POLQ: variants seen among roughly 807,000 people sequenced by gnomAD.
POLQ encodes epididymis secretory sperm binding protein.
A neutral mutation model predicts 259.2 loss-of-function variants in POLQ; 233 were observed. The ratio of observed to expected loss-of-function variants is 0.90; its 90% CI spans 0.81 to 1.00. The LOEUF is 1.00. POLQ is among the 50% of genes least tolerant of loss of function. The pLI is 0.00. For synonymous variants in POLQ, 1,025 were observed against 1,048.8 expected (o/e 0.98, Z 0.44); for missense variants, 2,871 against 3,051.6 (o/e 0.94, Z 1.39).
intron 25 of POLQ, 73 bp from the exon 26 acceptor site, chr3:121,449,499 G>A (rs545640714): frequency 6.0e-5 from 49 of 813,458 alleles, no homozygotes; most frequent in African/African-American, 5.4e-4. Context: ...ATTAGGATGC[G>A]AATTTCGGCA....
At chr3:121,486,391 T>C (rs1487813257) in intron 16 of POLQ, among the ~76,000 whole-genome samples, 1 of 150,870 alleles carries the variant, frequency 6.6e-6, no homozygotes, top group East Asian at 2.0e-4. Flanking sequence ...TGTACTAAAA[T>C]ACAAAATAAA....
At chr3:121,466,582 C>T (rs540487452) in intron 24 of POLQ, among the ~76,000 whole-genome samples, 4 of 151,186 alleles carry the variant, frequency 2.6e-5, no homozygotes, top group Admixed American at 6.6e-5. Context: ...CCCAGCTACT[C>T]GGGAAGCTGA....
rs374130547 is a variant in POLQ, at chr3:121,468,447, A to G, written c.6719-16T>C. The G allele has an allele frequency of 6.3e-7, 1 of 1,580,254 alleles. No homozygotes were observed. Among genetic ancestry groups the G allele is most frequent in the Non-Finnish European group, 8.7e-7 (1 of 1,155,578 alleles). ...GTTATTCGTCCTAAAATCAAGCAGA[A>G]TAAAGACATAAAATCAGGAAAAAAA... is the stretch of plus-strand genomic sequence containing the variant. On this transcript the variant is annotated splice_polypyrimidine_tract_variant and intron_variant, in intron 22 of 29. Transcript: ENST00000264233.
chr3:121,493,241 G>A lies in POLQ; in HGVS notation c.2522+237C>T, dbSNP rs572806146. On this transcript the variant is annotated intron_variant, in intron 15 of 29. Coordinates refer to ENST00000264233, the MANE Select transcript of POLQ (RefSeq NM_199420.4). ...CGCTTGAACCCAGGAGGTGGAGGTC[G>A]CAGTGAGCCGAGATCGCACCATTGC... Among the ~76,000 whole-genome samples, 51 of 151,720 alleles carry A rather than the reference G, an allele frequency of 3.4e-4. No homozygotes were observed. The South Asian group carries it at 8.5e-3, about 25-fold the overall frequency.
At chr3:121,449,670 G>A (rs1160074345) in intron 25 of POLQ, among the ~76,000 whole-genome samples, 1 of 152,118 alleles carries the variant, frequency 6.6e-6, no homozygotes, top group Non-Finnish European at 1.5e-5. Context: ...AGGTATGTGT[G>A]ATCTAAGGAA....
At chr3:121,459,440 G>A (rs2047773188) in intron 25 of POLQ, among the ~76,000 whole-genome samples, 1 of 140,106 alleles carries the variant, frequency 7.1e-6, no homozygotes, top group African/African-American at 2.7e-5. Context: ...GGAGTGCAGT[G>A]GCGCTATCTC....
At chr3:121,541,071 G>A (rs1436808630) in intron 3 of POLQ, among the ~76,000 whole-genome samples, 1 of 151,966 alleles carries the variant, frequency 6.6e-6, no homozygotes, top group Non-Finnish European at 1.5e-5. Flanking sequence ...AGTAGAGATG[G>A]GGTTTCCCCA....
At chr3:121,432,546 AAAT>A in intron 29 of POLQ, 129 bp from the exon 30 acceptor site, 1 of 753,370 alleles carries the variant, frequency 1.3e-6, no homozygotes, top group Non-Finnish European at 2.0e-6. Flanking sequence ...AAATCAGAAA[AAAT>A]AAAAAATAAA....
intron 12 of POLQ, 24 bp downstream of exon 12, chr3:121,509,537 C>T (rs754204818): frequency 1.3e-6 from 2 of 1,583,700 alleles, no homozygotes; most frequent in Non-Finnish European, 1.7e-6. Flanking sequence ...TTTTCACAAA[C>T]ATAATTGTTA....
At chr3:121,491,767 G>GACAGATT (rs2048070522) in intron 15 of POLQ, among the ~76,000 whole-genome samples, 1 of 152,056 alleles carries the variant, frequency 6.6e-6, no homozygotes, top group Non-Finnish European at 1.5e-5. Flanking sequence ...ATTCCAAGTG[G>GACAGATT]CCAGTTAAAA....
rs1382464374 is a variant in POLQ, at chr3:121,488,304, C to T, written c.4627G>A (p.Asp1543Asn). The T allele has an allele frequency of 1.1e-5, 18 of 1,612,488 alleles. No homozygotes were observed. Among genetic ancestry groups the T allele is most frequent in the Non-Finnish European group, 1.5e-5 (18 of 1,179,376 alleles). Residue 1543 changes from aspartate (D) to asparagine (N), a missense_variant, in exon 16 of 30, where the codon GAT (aspartate) becomes AAT (asparagine). By Grantham distance (23) the Asp-to-Asn change is conservative (BLOSUM62 1). Around this residue, in one of 3 missense-constraint regions of POLQ, gnomAD observed 2,080 missense variants for 2,126.0 expected, o/e 0.98. Transcript: ENST00000264233. ...IKKSNVNENQDTHQQLTCSND... is the reference protein window; with the variant it reads ...IKKSNVNENQNTHQQLTCSND... The stretch of plus-strand genomic sequence containing the variant: ...GAACAAGTCAACTGCTGGTGGGTAT[C>T]TTGATTCTCATTTACATTTGATTTT...
In POLQ at chr3:121,533,125, A is replaced by G. The variant is rs2048424162; in HGVS notation, c.825T>C (p.Ala275=). The G allele has an allele frequency of 6.2e-7, 1 of 1,614,098 alleles. No homozygotes were observed. The highest frequency in any genetic ancestry group is 2.2e-5 in the East Asian group (1 of 44,884). Residue 275 remains alanine, a synonymous_variant, in exon 6 of 30, where the codon GCT becomes GCC. Transcript: ENST00000264233. The part of the protein sequence containing the change: ...SATLPNLELV[A]SWLNAELYHT... ...GGTAGAGTTCAGCATTCAACCAGGA[A>G]GCCACAAGCTCCAAATTAGGAAGGG... is the stretch of plus-strand genomic sequence containing the variant.
At chr3:121,463,221 G>A (rs2047807071) in intron 24 of POLQ, among the ~76,000 whole-genome samples, 2 of 152,160 alleles carry the variant, frequency 1.3e-5, no homozygotes, top group African/African-American at 4.8e-5. Flanking sequence ...TCATGGTAGT[G>A]AGTCCGTCTC....
intron 26 of POLQ, among the ~76,000 whole-genome samples, chr3:121,445,819 C>T (rs1012845072): frequency 5.3e-5 from 8 of 151,430 alleles, no homozygotes; most frequent in Admixed American, 3.9e-4. Context: ...GCCAAGATCA[C>T]GCCACTGCCC....
chr3:121,447,305 G>A (rs2047639959), intron 26 of POLQ, among the ~76,000 whole-genome samples: 1 of 151,424 alleles, frequency 6.6e-6, no homozygotes, highest in African/African-American at 2.4e-5. Flanking sequence ...CAAGTAGCTA[G>A]GATTACAGTC....
At chr3:121,505,846 TAAA>T (rs35298276) in intron 12 of POLQ, among the ~76,000 whole-genome samples, 17 of 126,220 alleles carry the variant, frequency 1.3e-4, no homozygotes, top group Admixed American at 3.2e-4. Context: ...CCATCTCTAC[TAAA>T]AAAAAAAAAA....
In POLQ at chr3:121,496,146, C is replaced by T. The variant is rs545612231; in HGVS notation, c.2278+662G>A. 1.6e-4 allele frequency among the ~76,000 whole-genome samples: 24 copies of T among 151,192 alleles called. No individual in the cohort carries two copies. In the South Asian group the frequency reaches 4.8e-3, roughly 30 times the overall value. On this transcript the variant is annotated intron_variant, in intron 14 of 29. Transcript: ENST00000264233. ...AGTTCAGAAATCCCTCTCCATCTTC[C>T]GTCCTTCTCCTCAACAATATGGATT...
chr3:121,506,521 C>T (rs767905836), intron 12 of POLQ, among the ~76,000 whole-genome samples: 2 of 152,016 alleles, frequency 1.3e-5, no homozygotes, highest in Non-Finnish European at 2.9e-5. Context: ...CAAATTTACT[C>T]ATAATGTAAA....
At chr3:121,496,147 G>A (rs565320779) in intron 14 of POLQ, among the ~76,000 whole-genome samples, 71 of 150,290 alleles carry the variant, frequency 4.7e-4, no homozygotes, top group African/African-American at 1.7e-3. Flanking sequence ...TCCATCTTCC[G>A]TCCTTCTCCT....
Sources: gnomAD v4.1 joint callset for allele counts (sites outside exome capture counted in the v4.1 genomes callset) on GRCh38, gnomAD v4.1.1 for gene constraint, gnomAD v4.1.1 regional missense constraint, MANE v1.5 for transcripts, NCBI Gene and HGNC (gene_info 2026-07-23, HGNC 2026-07-21) for gene names.